Variants in DYNC2I1 observed in about 807,000 individuals in gnomAD.
DYNC2I1 encodes dynein 2 intermediate chain 1.
A neutral mutation model predicts 133.4 loss-of-function variants in DYNC2I1; 89 were observed. That is an observed-to-expected ratio of 0.67 (90% CI 0.56 to 0.80). DYNC2I1 has a LOEUF of 0.80. Among genes scored for constraint, DYNC2I1 ranks in the 30% least tolerant of loss-of-function variants. DYNC2I1 has a pLI of 0.00. For missense variants in DYNC2I1, 1,291 were observed against 1,314.5 expected (o/e 0.98, Z 0.28); for synonymous variants, 504 against 484.3 (o/e 1.04, Z -0.54).
At chr7:158,938,693 T>G (rs1258656140) in intron 23 of DYNC2I1, among the ~76,000 whole-genome samples, 7 of 151,788 alleles carry the variant, frequency 4.6e-5, no homozygotes, top group African/African-American at 1.7e-4. Flanking sequence ...GAGGCAAAGG[T>G]TGCAGTGAGC....
chr7:158,956,525 G>C (rs1384886070), intron 4 of DYNC2I1: 2 of 152,384 alleles, frequency 1.3e-5, no homozygotes, highest in Admixed American at 6.5e-5. Flanking sequence ...GGAACCTTCC[G>C]GAAGCCAGGA....
chr7:158,890,908 G>C (rs970389667), intron 7 of DYNC2I1, among the ~76,000 whole-genome samples: 11 of 152,154 alleles, frequency 7.2e-5, no homozygotes, highest in African/African-American at 2.4e-4. Flanking sequence ...GATCTTCCTA[G>C]TGTCATTGAC....
At chr7:158,865,723 T>G (rs1468178049) in intron 1 of DYNC2I1, among the ~76,000 whole-genome samples, 1 of 152,114 alleles carries the variant, frequency 6.6e-6, no homozygotes, top group Non-Finnish European at 1.5e-5. Context: ...CTTGGAGAGT[T>G]GATTTTAAGC....
rs184906190 is a variant in DYNC2I1, at chr7:158,919,608, G to A, written c.1921+739G>A. Among the ~76,000 whole-genome samples the A allele has an allele frequency of 4.8e-3, 729 of 152,254 alleles. 6 individuals carry two copies. Among genetic ancestry groups the A allele is most frequent in the Non-Finnish European group, 7.5e-3 (513 of 68,012 alleles). ...GTGTGCTGCAGGGTAAACGTGCTTC[G>A]GGGCACGTGTGAGACCAGAGCAGTT... On this transcript the variant is annotated intron_variant, in intron 15 of 24. Coordinates refer to ENST00000407559, the MANE Select transcript of DYNC2I1 (RefSeq NM_018051.5).
intron 14 of DYNC2I1, among the ~76,000 whole-genome samples, chr7:158,917,095 C>G (rs1190288633): frequency 4.8e-5 from 6 of 126,304 alleles, no homozygotes; most frequent in East Asian, 2.2e-4. Context: ...CGTCTACACG[C>G]TGGTTGACAT....
At chr7:158,926,096 A>T in intron 17 of DYNC2I1, 91 bp from the exon 18 acceptor site, 1 of 990,654 alleles carries the variant, frequency 1.0e-6, no homozygotes, top group Non-Finnish European at 1.6e-6. Flanking sequence ...TGTGAGACCC[A>T]GAAGCACCTC....
intron 14 of DYNC2I1, 66 bp from the exon 15 acceptor site, chr7:158,918,674 T>C (rs1309237931): frequency 6.8e-7 from 1 of 1,480,210 alleles, no homozygotes; most frequent in Non-Finnish European, 9.3e-7. Flanking sequence ...GAAAAGGTAA[T>C]TTTTTTTTGG....
intron 7 of DYNC2I1, among the ~76,000 whole-genome samples, chr7:158,890,492 C>T (rs919059253): frequency 6.6e-6 from 1 of 152,114 alleles, no homozygotes; most frequent in African/African-American, 2.4e-5. Flanking sequence ...TGCTATGTGC[C>T]AGAATAGTTT....
intron 4 of DYNC2I1, among the ~76,000 whole-genome samples, chr7:158,879,005 C>T (rs1212962265): frequency 6.9e-6 from 1 of 145,904 alleles, no homozygotes; most frequent in Admixed American, 6.8e-5. Context: ...CCAGGAGGGC[C>T]GACTGTGAGT....
chr7:158,860,228 T>C lies in DYNC2I1; in HGVS notation c.15+3478T>C, dbSNP rs145798851. ...GCACCACTATGCTGGGCTAATTTTTTTTATATTTTTAGTAGAGACACGGTT... is the reference window on the plus strand; with the variant it reads ...GCACCACTATGCTGGGCTAATTTTTCTTATATTTTTAGTAGAGACACGGTT... On this transcript the variant is annotated intron_variant, in intron 1 of 24. Transcript: ENST00000407559. Among the ~76,000 whole-genome samples the C allele has an allele frequency of 5.3e-5, 8 of 152,196 alleles. No individual in the cohort carries two copies. The East Asian group carries it at 1.5e-3, about 29-fold the overall frequency.
At chr7:158,930,945 G>A (rs1850161914) in intron 21 of DYNC2I1, among the ~76,000 whole-genome samples, 1 of 152,192 alleles carries the variant, frequency 6.6e-6, no homozygotes, top group African/African-American at 2.4e-5. Context: ...TGGGATTACA[G>A]GTGTGAGCCC....
chr7:158,881,099 C>T (rs1037182952), intron 5 of DYNC2I1, among the ~76,000 whole-genome samples: 2 of 152,242 alleles, frequency 1.3e-5, no homozygotes. Context: ...ACTGGGAGCA[C>T]TTAGGCCGAG....
At chr7:158,869,018 A>G (rs897203682) in intron 1 of DYNC2I1, among the ~76,000 whole-genome samples, 1 of 152,000 alleles carries the variant, frequency 6.6e-6, no homozygotes, top group Non-Finnish European at 1.5e-5. Flanking sequence ...TTTCTCACAT[A>G]CTCTGTGGAT....
In DYNC2I1 at chr7:158,918,721, A is replaced by T; in HGVS notation, c.1792-19A>T. ...CATTGTGAAGTTTTTATTAAAGACT[A>T]CTCACTTATGTCTGACAGGTGATGG... On this transcript the variant is annotated intron_variant, in intron 14 of 24. Coordinates refer to ENST00000407559, the MANE Select transcript of DYNC2I1 (RefSeq NM_018051.5). 6.2e-7 allele frequency: 1 copy of T among 1,611,686 alleles called. No individual in the cohort carries two copies. Among genetic ancestry groups the T allele is most frequent in the Non-Finnish European group, 8.5e-7 (1 of 1,178,812 alleles).
chr7:158,940,623 T>A (rs1851246298), intron 23 of DYNC2I1, among the ~76,000 whole-genome samples: 1 of 152,096 alleles, frequency 6.6e-6, no homozygotes, highest in Non-Finnish European at 1.5e-5. Context: ...AGAATAGAAA[T>A]CATATTGAGT....
intron 15 of DYNC2I1, among the ~76,000 whole-genome samples, chr7:158,922,088 C>T (rs570316565): frequency 8.5e-5 from 13 of 152,302 alleles, no homozygotes; most frequent in Admixed American, 4.6e-4. Flanking sequence ...TCCCGACTCC[C>T]GGCTTCTGGT....
rs1851425556 is a variant in DYNC2I1 at position 158,942,032 on chromosome 7, G to GTCC, written c.2887_2889dup (p.Ser963dup). ...GCCATGCGGTCACCGGCCTGCAGTG[G>GTCC]TCCCCAACCAGGCCTGCCGTGTTCC... On this transcript the variant is annotated inframe_insertion, in exon 24 of 25. Transcript: ENST00000407559. 6.2e-7 allele frequency: 1 copy of GTCC among 1,613,370 alleles called. No individual in the cohort carries two copies. The highest frequency in any genetic ancestry group is 8.5e-7 in the Non-Finnish European group (1 of 1,179,798).
intron 19 of DYNC2I1, 84 bp downstream of exon 19, chr7:158,926,547 G>T: frequency 6.9e-7 from 1 of 1,447,824 alleles, no homozygotes; most frequent in East Asian, 2.4e-5. Flanking sequence ...CGCAGGGGGC[G>T]GGACCCAGTT....
At chr7:158,863,115 C>G (rs1192719357) in intron 1 of DYNC2I1, among the ~76,000 whole-genome samples, 2 of 68,190 alleles carry the variant, frequency 2.9e-5, no homozygotes, top group Non-Finnish European at 2.9e-5. Flanking sequence ...CCACTGCTGG[C>G]TGGGGGTGGG....
Sources: allele counts gnomAD v4.1 joint callset (sites outside exome capture counted in the v4.1 genomes callset), GRCh38; gene constraint gnomAD v4.1.1; transcripts MANE v1.5; gene names NCBI Gene and HGNC (gene_info 2026-07-23, HGNC 2026-07-21).